Variants in ARHGAP44 observed in about 807,000 individuals in gnomAD.
ARHGAP44 encodes the protein Rho GTPase activating protein 44.
In ARHGAP44, 43 loss-of-function variants were observed where a neutral mutation model predicts 106.8. The observed-to-expected ratio is 0.40, with a 90% CI of 0.32 to 0.52. The LOEUF is 0.52. Ranked by LOEUF, ARHGAP44 falls within the 20% of genes least tolerant of loss-of-function variation. The pLI, the probability that ARHGAP44 is intolerant of heterozygous loss-of-function variation, is 0.48. For synonymous variants in ARHGAP44, 439 were observed against 410.3 expected (o/e 1.07, Z -0.85); for missense variants, 866 against 1,050.5 (o/e 0.82, Z 2.43).
chr17:12,929,240 G>C, intron 7 of ARHGAP44, 194 bp downstream of exon 7: 1 of 487,326 alleles, frequency 2.1e-6, no homozygotes, highest in Non-Finnish European at 3.8e-6. Context: ...TGGTGACCTA[G>C]ACAGGGAGGC....
At chr17:12,810,702 C>G (rs2034412126) in intron 1 of ARHGAP44, among the ~76,000 whole-genome samples, 1 of 152,162 alleles carries the variant, frequency 6.6e-6, no homozygotes, top group African/African-American at 2.4e-5. Context: ...GGTGATGCAC[C>G]TGCAATTCCA....
intron 16 of ARHGAP44, among the ~76,000 whole-genome samples, chr17:12,972,184 G>A (rs1034238923): frequency 7.2e-5 from 11 of 152,086 alleles, no homozygotes; most frequent in Non-Finnish European, 1.2e-4. Flanking sequence ...ATGCTGGTTG[G>A]GAGTATATGT....
intron 17 of ARHGAP44, chr17:12,973,608 A>C: frequency 1.9e-6 from 1 of 529,188 alleles, no homozygotes; most frequent in Non-Finnish European, 3.3e-6. Flanking sequence ...TACAAAAAGA[A>C]GGATTCATAT....
chr17:12,928,902 A>G (rs764585449), intron 6 of ARHGAP44, 27 bp from the exon 7 acceptor site: 1 of 1,588,710 alleles, frequency 6.3e-7, no homozygotes, highest in Non-Finnish European at 8.6e-7. Context: ...CCTGTCTCAC[A>G]TCTCTTTTTC....
At chr17:12,927,429 G>C (rs1226933699) in intron 6 of ARHGAP44, among the ~76,000 whole-genome samples, 1 of 152,158 alleles carries the variant, frequency 6.6e-6, no homozygotes, top group Non-Finnish European at 1.5e-5. Flanking sequence ...TTAGATTCTT[G>C]ACTCTTGACA....
At chr17:12,796,152 C>G (rs1270360872) in intron 1 of ARHGAP44, among the ~76,000 whole-genome samples, 1 of 151,762 alleles carries the variant, frequency 6.6e-6, no homozygotes, top group African/African-American at 2.4e-5. Context: ...ATCTATCTAT[C>G]TATCTATCTA....
At chr17:12,804,178 G>C (rs3785734) in intron 1 of ARHGAP44, among the ~76,000 whole-genome samples, 2 of 151,956 alleles carry the variant, frequency 1.3e-5, no homozygotes, top group East Asian at 1.9e-4. Context: ...TTGCCTCCAC[G>C]TTCACAAACC....
chr17:12,978,131 G>A (rs1270540994), intron 18 of ARHGAP44, among the ~76,000 whole-genome samples: 1 of 151,292 alleles, frequency 6.6e-6, no homozygotes, highest in Non-Finnish European at 1.5e-5. Flanking sequence ...CCAAAGGAAG[G>A]AAGAAGAGTC....
intron 1 of ARHGAP44, among the ~76,000 whole-genome samples, chr17:12,812,577 C>T (rs150359282): frequency 1.7e-4 from 26 of 152,242 alleles, no homozygotes; most frequent in South Asian, 6.2e-4. Context: ...CTCCAAGACA[C>T]GCTGACAGGG....
intron 1 of ARHGAP44, among the ~76,000 whole-genome samples, chr17:12,855,345 T>C (rs1034273669): frequency 1.3e-5 from 2 of 152,196 alleles, no homozygotes; most frequent in African/African-American, 4.8e-5. Context: ...TCTTCCAGTC[T>C]ATTGTTTGTC....
At chr17:12,906,100 A>G (rs1457347325) in intron 3 of ARHGAP44, among the ~76,000 whole-genome samples, 4 of 152,338 alleles carry the variant, frequency 2.6e-5, no homozygotes, top group Non-Finnish European at 4.4e-5. Flanking sequence ...ATGTTGCCAA[A>G]TGACCCCAGG....
At chr17:12,844,742 A>G (rs1216279414) in intron 1 of ARHGAP44, among the ~76,000 whole-genome samples, 1 of 152,054 alleles carries the variant, frequency 6.6e-6, no homozygotes, top group Non-Finnish European at 1.5e-5. Context: ...CCAAGTGTTG[A>G]ATTTTTCATG....
chr17:12,972,793 C>T (rs908933339), intron 16 of ARHGAP44, among the ~76,000 whole-genome samples: 1 of 151,268 alleles, frequency 6.6e-6, no homozygotes, highest in Admixed American at 6.6e-5. Flanking sequence ...TCCCGAATAG[C>T]TGGGACTACA....
At chr17:12,881,704 T>C (rs1023002334) in intron 1 of ARHGAP44, among the ~76,000 whole-genome samples, 4 of 152,264 alleles carry the variant, frequency 2.6e-5, no homozygotes, top group Middle Eastern at 3.4e-3. Flanking sequence ...TGTTGTTGTT[T>C]GTTTATTTTG....
At chr17:12,829,286 G>A (rs914733495) in intron 1 of ARHGAP44, among the ~76,000 whole-genome samples, 1 of 151,980 alleles carries the variant, frequency 6.6e-6, no homozygotes, top group Admixed American at 6.5e-5. Context: ...TCTACTTGAT[G>A]TAACAACTTT....
intron 1 of ARHGAP44, among the ~76,000 whole-genome samples, chr17:12,830,474 G>T (rs1195789309): frequency 6.6e-6 from 1 of 152,054 alleles, no homozygotes; most frequent in African/African-American, 2.4e-5. Context: ...TTTAAATTCA[G>T]TGTCTCATGG....
In ARHGAP44 at chr17:12,916,748, T is replaced by G. The variant is rs570893253; in HGVS notation, c.387+737T>G. On this transcript the variant is annotated intron_variant, in intron 5 of 20. Transcript: ENST00000379672. ...TAAAGGACACTCAATTAAACTATTT[T>G]ATTAAAAAGCAACCTTAATGCCTAT... Among the ~76,000 whole-genome samples, 9 of 152,330 alleles carry G rather than the reference T, an allele frequency of 5.9e-5. No individual in the cohort carries two copies. In the East Asian group the frequency reaches 1.5e-3, roughly 26 times the overall value.
At chr17:12,829,226 G>C (rs934490189) in intron 1 of ARHGAP44, among the ~76,000 whole-genome samples, 1 of 151,906 alleles carries the variant, frequency 6.6e-6, no homozygotes, top group East Asian at 1.9e-4. Flanking sequence ...TTACCTAATT[G>C]AGCTGGTCCG....
At chr17:12,835,002 C>T (rs2035194364) in intron 1 of ARHGAP44, among the ~76,000 whole-genome samples, 1 of 152,108 alleles carries the variant, frequency 6.6e-6, no homozygotes, top group South Asian at 2.1e-4. Flanking sequence ...GAAAGGGAAA[C>T]TTGCTATGAG....
Sources: gnomAD v4.1 joint callset for allele counts (sites outside exome capture counted in the v4.1 genomes callset) on GRCh38, gnomAD v4.1.1 for gene constraint, MANE v1.5 for transcripts, NCBI Gene and HGNC (gene_info 2026-07-23, HGNC 2026-07-21) for gene names.